DENND1B: variants seen among roughly 807,000 people sequenced by gnomAD.
DENND1B encodes DENN domain-containing protein 1B.
A neutral mutation model predicts 90.1 loss-of-function variants in DENND1B; 59 were observed. That is an observed-to-expected ratio of 0.65 (90% confidence interval 0.53 to 0.81). The LOEUF (loss-of-function observed/expected upper bound fraction) is 0.81. Ranked by LOEUF, DENND1B falls within the 40% of genes least tolerant of loss-of-function variation. The pLI is 0.00. For missense variants in DENND1B, 862 were observed against 912.6 expected (o/e 0.94, Z 0.71); for synonymous variants, 337 against 324.6 (o/e 1.04, Z -0.41).
chr1:197,754,659 C>CAAAAAAAAAAAAAAAAAA (rs57926782), intron 2 of DENND1B, among the ~76,000 whole-genome samples: 9 of 72,880 alleles, frequency 1.2e-4, no homozygotes, highest in South Asian at 5.7e-4. Context: ...GACTCTGTCT[C>CAAAAAAAAAAAAAAAAAA]AAAAAAAAAA....
intron 13 of DENND1B, among the ~76,000 whole-genome samples, chr1:197,600,589 A>C (rs1332472620): frequency 6.6e-6 from 1 of 151,890 alleles, no homozygotes; most frequent in Non-Finnish European, 1.5e-5. Flanking sequence ...ATTGTTATAC[A>C]ATAGAGAAAT....
intron 14 of DENND1B, among the ~76,000 whole-genome samples, chr1:197,592,396 C>T (rs1035648139): frequency 6.6e-6 from 1 of 151,968 alleles, no homozygotes; most frequent in African/African-American, 2.4e-5. Flanking sequence ...GGTCAGTTAA[C>T]GTTTTAATAG....
At chr1:197,557,102 C>T (rs1671782088) in intron 15 of DENND1B, among the ~76,000 whole-genome samples, 1 of 151,968 alleles carries the variant, frequency 6.6e-6, no homozygotes, top group Non-Finnish European at 1.5e-5. Context: ...ATGTTGGCAT[C>T]TTTGCTATAC....
At chr1:197,620,911 C>G (rs1678098088) in intron 10 of DENND1B, among the ~76,000 whole-genome samples, 1 of 151,182 alleles carries the variant, frequency 6.6e-6, no homozygotes, top group African/African-American at 2.4e-5. Flanking sequence ...GGGTGGGGAG[C>G]TATTTTAGAT....
intron 11 of DENND1B, among the ~76,000 whole-genome samples, chr1:197,613,316 G>C (rs1677346786): frequency 6.6e-6 from 1 of 150,696 alleles, no homozygotes; most frequent in African/African-American, 2.4e-5. Context: ...AAGTGTTAAA[G>C]TTCTTATTTT....
At chr1:197,624,807 C>T (rs1429708726) in intron 10 of DENND1B, among the ~76,000 whole-genome samples, 1 of 151,716 alleles carries the variant, frequency 6.6e-6, no homozygotes, top group African/African-American at 2.4e-5. Context: ...ATAACCAATA[C>T]AGAGAAGTGC....
chr1:197,700,332 G>C (rs974410059), intron 3 of DENND1B, among the ~76,000 whole-genome samples: 1 of 152,112 alleles, frequency 6.6e-6, no homozygotes, highest in Non-Finnish European at 1.5e-5. Flanking sequence ...ACAACCATCT[G>C]ATCTTTGGCA....
At chr1:197,749,137 T>C (rs1386745220) in intron 2 of DENND1B, among the ~76,000 whole-genome samples, 2 of 149,172 alleles carry the variant, frequency 1.3e-5, no homozygotes, top group Admixed American at 6.7e-5. Context: ...TAAAACAGAG[T>C]CCCTGTGACT....
intron 1 of DENND1B, 89 bp downstream of exon 1, chr1:197,775,050 T>G: frequency 3.2e-6 from 3 of 950,202 alleles, no homozygotes; most frequent in Non-Finnish European, 4.1e-6. Flanking sequence ...GGGAGCCGGT[T>G]GAGCGCGGAG....
intron 20 of DENND1B, among the ~76,000 whole-genome samples, chr1:197,522,556 A>G (rs75151285): frequency 1.4e-3 from 214 of 152,252 alleles, no homozygotes; most frequent in African/African-American, 5.0e-3. Context: ...AATTTTAAGT[A>G]CATTCCTCTC....
At chr1:197,746,733 G>A (rs1020587544) in intron 2 of DENND1B, 1 of 1,069,592 alleles carries the variant, frequency 9.3e-7, no homozygotes, top group East Asian at 2.4e-5. Flanking sequence ...CAAATGTCTT[G>A]AAGCACTCTG....
At chr1:197,659,501 C>G (rs1438065198) in intron 5 of DENND1B, among the ~76,000 whole-genome samples, 1 of 151,722 alleles carries the variant, frequency 6.6e-6, no homozygotes, top group Admixed American at 6.6e-5. Flanking sequence ...AAATATCTAC[C>G]CAACTCTGGT....
At chr1:197,621,386 G>C (rs1162725042) in intron 10 of DENND1B, among the ~76,000 whole-genome samples, 2 of 151,236 alleles carry the variant, frequency 1.3e-5, no homozygotes, top group Non-Finnish European at 3.0e-5. Flanking sequence ...CCTCTGAAGA[G>C]AGTGCTATCA....
chr1:197,757,612 C>T (rs1269415423), intron 2 of DENND1B, among the ~76,000 whole-genome samples: 1 of 152,094 alleles, frequency 6.6e-6, no homozygotes, highest in Non-Finnish European at 1.5e-5. Context: ...AAAATATAAA[C>T]TTCATCAACA....
chr1:197,539,400 G>A (rs1670159045), intron 20 of DENND1B, among the ~76,000 whole-genome samples: 1 of 151,686 alleles, frequency 6.6e-6, no homozygotes, highest in Non-Finnish European at 1.5e-5. Flanking sequence ...TTTAGTTAGA[G>A]CCTTCATAAA....
At chr1:197,604,485 A>G (rs1027632211) in intron 13 of DENND1B, among the ~76,000 whole-genome samples, 16 of 151,228 alleles carry the variant, frequency 1.1e-4, no homozygotes, top group African/African-American at 3.4e-4. Flanking sequence ...GGTCCACAGG[A>G]AAAAAGAACT....
intron 7 of DENND1B, among the ~76,000 whole-genome samples, chr1:197,651,513 T>C (rs986048666): frequency 6.6e-6 from 1 of 152,052 alleles, no homozygotes; most frequent in African/African-American, 2.4e-5. Flanking sequence ...TCACCCAGAA[T>C]TTTTATCACA....
chr1:197,647,458 A>G (rs1680825760), intron 7 of DENND1B, among the ~76,000 whole-genome samples: 1 of 152,184 alleles, frequency 6.6e-6, no homozygotes, highest in South Asian at 2.1e-4. Flanking sequence ...AAACTTACAT[A>G]ATCATCCATT....
At chr1:197,643,265 G>A (rs535465837) in intron 9 of DENND1B, among the ~76,000 whole-genome samples, 26 of 151,520 alleles carry the variant, frequency 1.7e-4, no homozygotes, top group African/African-American at 4.1e-4. Flanking sequence ...GGTGATTTTC[G>A]TGCTTCAGCC....
Sources: gnomAD v4.1 joint callset for allele counts (sites outside exome capture counted in the v4.1 genomes callset) on GRCh38, gnomAD v4.1.1 for gene constraint, MANE v1.5 for transcripts, NCBI Gene and HGNC (gene_info 2026-07-23, HGNC 2026-07-21) for gene names.